Variants in CROT observed in about 807,000 individuals in gnomAD.
The protein encoded by CROT is peroxisomal carnitine O-octanoyltransferase.
In CROT, 84 loss-of-function variants were observed where a neutral mutation model predicts 89.2. That is an observed-to-expected ratio of 0.94 (90% CI 0.79 to 1.13). The LOEUF (loss-of-function observed/expected upper bound fraction) is 1.13, where lower values mean the gene tolerates loss of function less well. Among genes scored for constraint, CROT ranks in the 50% most tolerant of loss-of-function variants. CROT has a pLI of 0.00. For synonymous variants in CROT, 212 were observed against 239.5 expected (o/e 0.89, Z 1.06); for missense variants, 711 against 727.8 (o/e 0.98, Z 0.27).
rs1399545779 is a variant in CROT, at chr7:87,359,346, A to T, written c.240+16A>T. 6.3e-7 allele frequency: 1 copy of T among 1,585,244 alleles called. No individual in the cohort carries two copies. The highest frequency in any genetic ancestry group is 1.4e-5 in the African/African-American group (1 of 73,674). ...AAGAAATTGGGTATTTGTTGTTATA[A>T]TTGAATAATGATGATGTTTAAAGAA... On this transcript the variant is annotated intron_variant, in intron 4 of 17. Transcript: ENST00000331536.
chr7:87,352,355 A>G (rs889258333), intron 3 of CROT, among the ~76,000 whole-genome samples: 1 of 152,126 alleles, frequency 6.6e-6, no homozygotes, highest in African/African-American at 2.4e-5. Flanking sequence ...TGGGACCACT[A>G]TGGCCAAGGG....
intron 3 of CROT, among the ~76,000 whole-genome samples, chr7:87,354,246 C>T (rs568418774): frequency 1.3e-5 from 2 of 152,162 alleles, no homozygotes; most frequent in African/African-American, 4.8e-5. Flanking sequence ...CCAAAAAAAC[C>T]TAATAAAGAC....
intron 7 of CROT, among the ~76,000 whole-genome samples, chr7:87,369,873 T>C (rs1002349469): frequency 7.1e-6 from 1 of 140,158 alleles, no homozygotes; most frequent in Non-Finnish European, 1.5e-5. Flanking sequence ...ATGGTATACA[T>C]CTTCTATGTA....
At chr7:87,395,896 G>A (rs1464193213) in intron 17 of CROT, among the ~76,000 whole-genome samples, 1 of 152,150 alleles carries the variant, frequency 6.6e-6, no homozygotes, top group Non-Finnish European at 1.5e-5. Context: ...ACCAAGGATT[G>A]TCTTTTACCC....
Position 87,351,080 on chromosome 7 carries a change from A to G in CROT, c.115+1897A>G, listed in dbSNP as rs7792684. ...TCCCAGCACTTTGGGAGACTGAGGC[A>G]GGTTGATCACGGGATCAGGAGATCG... On this transcript the variant is annotated intron_variant, in intron 3 of 17. Coordinates refer to ENST00000331536, the MANE Select transcript of CROT (RefSeq NM_021151.4). Among the ~76,000 whole-genome samples the G allele has an allele frequency of 7.3e-3, 1,118 of 152,200 alleles. 12 individuals are homozygous for G. Among genetic ancestry groups the G allele is most frequent in the African/African-American group, 0.025 (1,049 of 41,540 alleles).
chr7:87,390,438 GAA>G lies in CROT; in HGVS notation c.1302-1150_1302-1149del, dbSNP rs967061072. On this transcript the variant is annotated intron_variant, in intron 13 of 17. Coordinates refer to ENST00000331536, the MANE Select transcript of CROT (RefSeq NM_021151.4). ...TTATTTTTAATTTGTTTTCCTGAAA[GAA>G]TGTTATTTTAGTGCTATTTAAAAAT... Among the ~76,000 whole-genome samples, 32 of 152,216 alleles carry G rather than the reference GAA, an allele frequency of 2.1e-4. 1 individual carries two copies. The East Asian group carries it at 2.5e-3, about 12-fold the overall frequency.
rs749723164 is a variant in CROT, at chr7:87,398,373, A to T, written c.1719-151A>T. 14 of 902,708 alleles carry T rather than the reference A, an allele frequency of 1.6e-5. No homozygotes were observed. The African/African-American group carries it at 1.8e-4, about 12-fold the overall frequency. 55.9% of individuals were successfully genotyped at this position (902,708 alleles called of 1,614,324 possible). A position where few individuals can be genotyped will look rare whatever the true frequency, so the allele number is the denominator to read the frequency against. ...TAGCATTATCTACAGATATGGCTTT[A>T]CCTTCAATTGTGTCAGGTTACATTT... On this transcript the variant is annotated intron_variant, in intron 17 of 17. Coordinates refer to ENST00000331536, the MANE Select transcript of CROT (RefSeq NM_021151.4).
In CROT at chr7:87,349,191, A is replaced by T. The variant is rs1805793018; in HGVS notation, c.115+8A>T. ...AAAAATACCTTGAATCAGGTATGTT[A>T]ATAATCTTTTAGTATATATTAATAT... On this transcript the variant is annotated splice_region_variant and intron_variant, in intron 3 of 17. Transcript: ENST00000331536. 4 of 1,387,842 alleles carry T rather than the reference A, an allele frequency of 2.9e-6. No homozygotes were observed. In the South Asian group the frequency reaches 4.9e-5, roughly 17 times the overall value. The allele number at this position is 1,387,842 out of a possible 1,614,324, so 86.0% of individuals were successfully genotyped here.
rs1210742728 is a variant in CROT, at chr7:87,375,969, C to CT, written c.876+17dup. 9.7e-6 allele frequency: 14 copies of CT among 1,436,552 alleles called. No homozygotes were observed. The highest frequency in any genetic ancestry group is 2.6e-5 in the East Asian group (1 of 38,242). 89.0% of individuals were successfully genotyped at this position (1,436,552 alleles called of 1,614,324 possible). A position where few individuals can be genotyped will look rare whatever the true frequency, so the allele number is the denominator to read the frequency against. On this transcript the variant is annotated intron_variant, in intron 9 of 17. Coordinates refer to ENST00000331536, the MANE Select transcript of CROT (RefSeq NM_021151.4). ...TTATTCTGAGGTACTTAACTACCTT[C>CT]TCTTTTTTTTTTTATTGCAGATTTT...
At position 87,398,613 on chromosome 7, in the gene CROT, T is replaced by C. The variant is rs1807633838; in HGVS notation, c.1808T>C (p.Met603Thr). 7 of 1,613,558 alleles carry C rather than the reference T, an allele frequency of 4.3e-6. No individual in the cohort carries two copies. The highest frequency in any genetic ancestry group is 5.9e-6 in the Non-Finnish European group (7 of 1,179,870). ...VQLTFCAFHD[M>T]IQLMNSTHL The stretch of plus-strand genomic sequence containing the variant: ...CTGACTTTTTGTGCTTTTCATGATA[T>C]GATACAGCTGATGAACTCTACTCAT... The change falls in exon 18 of 18, where the codon ATG (methionine) becomes ACG (threonine). Residue 603 changes from methionine (M) to threonine (T), a missense_variant. Transcript: ENST00000331536.
chr7:87,398,285 G>C, intron 17 of CROT: 3 of 651,058 alleles, frequency 4.6e-6, no homozygotes, highest in Non-Finnish European at 8.5e-6. Context: ...GCACTCTAGG[G>C]CTCTAGCTAA....
rs148986377 is a variant in CROT at position 87,361,783 on chromosome 7, C to T, written c.478C>T (p.Arg160Ter). 6.2e-4 allele frequency: 990 copies of T among 1,608,092 alleles called. No individual in the cohort carries two copies. Among genetic ancestry groups the T allele is most frequent in the Non-Finnish European group, 7.8e-4 (922 of 1,177,020 alleles). Residue 160 changes from arginine to a stop codon, truncating the protein, a stop_gained, in exon 6 of 18, where the codon CGA becomes TGA. Coordinates refer to ENST00000331536, the MANE Select transcript of CROT (RefSeq NM_021151.4). LOFTEE classifies it high-confidence loss of function. ...GNTPLDMNQFRMLFSTCKVPG... is the reference protein window; with the variant it reads ...GNTPLDMNQF ...TACTCCTCTAGATATGAATCAATTC[C>T]GAATGCTATTTTCTACCTGCAAGGT...
At chr7:87,372,774 TG>T (rs1209586971) in intron 7 of CROT, among the ~76,000 whole-genome samples, 4 of 152,308 alleles carry the variant, frequency 2.6e-5, no homozygotes, top group African/African-American at 9.6e-5. Context: ...TGTTTTAGCA[TG>T]TATGAATACT....
chr7:87,381,630 A>T (rs1201936831), intron 10 of CROT, among the ~76,000 whole-genome samples: 1 of 152,116 alleles, frequency 6.6e-6, no homozygotes, highest in African/African-American at 2.4e-5. Context: ...ATTTATCTAG[A>T]TTGTTTATAT....
intron 13 of CROT, among the ~76,000 whole-genome samples, chr7:87,383,081 T>C (rs891573594): frequency 6.6e-6 from 1 of 152,238 alleles, no homozygotes; most frequent in Non-Finnish European, 1.5e-5. Flanking sequence ...GGATGTCCAC[T>C]GCCTCAACCA....
rs766380566 is a variant in CROT, at chr7:87,392,802, C to T, written c.1577C>T (p.Thr526Met). 9.9e-6 allele frequency: 16 copies of T among 1,613,460 alleles called. No homozygotes were observed. The highest frequency in any genetic ancestry group is 4.5e-5 in the East Asian group (2 of 44,872). ...GGTCTTCCTGTTCCAGAACTCTTTA[C>T]GGACCCACTTTTTTCCAAAAGGTAA... ...EEGLPVPELFTDPLFSKSGGG... is the reference protein window; with the variant it reads ...EEGLPVPELFMDPLFSKSGGG... Residue 526 changes from threonine to methionine, a missense_variant, in exon 16 of 18, where the codon ACG becomes ATG. Physicochemically the swap from Thr to Met is moderately conservative, Grantham distance 81 (BLOSUM62 -1). Transcript: ENST00000331536.
chr7:87,365,292 C>T (rs141579926), intron 6 of CROT, among the ~76,000 whole-genome samples: 2,114 of 152,164 alleles, frequency 0.014, 49 homozygotes, highest in African/African-American at 0.048. Flanking sequence ...AATTTGAGAC[C>T]AGCCTGGCCA....
chr7:87,381,711 CT>C (rs947353434), intron 10 of CROT, among the ~76,000 whole-genome samples, 198 bp from the exon 11 acceptor site: 2 of 152,114 alleles, frequency 1.3e-5, no homozygotes, highest in South Asian at 4.1e-4. Flanking sequence ...ATTTAAACAA[CT>C]TTTTTTCCAA....
At chr7:87,374,377 C>T (rs891144521) in intron 7 of CROT, among the ~76,000 whole-genome samples, 14 of 151,826 alleles carry the variant, frequency 9.2e-5, no homozygotes, top group African/African-American at 2.9e-4. Context: ...CCTTGTAAAA[C>T]GAACATGAAA....
Sources: gnomAD v4.1 joint callset for allele counts (sites outside exome capture counted in the v4.1 genomes callset) on GRCh38, gnomAD v4.1.1 for gene constraint, MANE v1.5 for transcripts, NCBI Gene and HGNC (gene_info 2026-07-23, HGNC 2026-07-21) for gene names.